PLCB1: variants seen among roughly 807,000 people sequenced by gnomAD.
PLCB1 encodes 1-phosphatidylinositol 4,5-bisphosphate phosphodiesterase beta-1.
A neutral mutation model predicts 161.8 loss-of-function variants in PLCB1; 46 were observed. The observed-to-expected ratio is 0.28, with a 90% CI of 0.22 to 0.36. The LOEUF (loss-of-function observed/expected upper bound fraction) is 0.36, where lower values mean the gene tolerates loss of function less well. Among genes scored for constraint, PLCB1 ranks in the 10% least tolerant of loss-of-function variants. The pLI, the probability that PLCB1 is intolerant of heterozygous loss-of-function variation, is 1.00. For synonymous variants in PLCB1, 517 were observed against 503.7 expected, an observed-to-expected ratio of 1.03 and a Z score of -0.35; for missense variants, 1,016 against 1,472.5, an observed-to-expected ratio of 0.69 and a Z score of 5.07.
Position 8,271,814 on chromosome 20 carries a change from A to G in PLCB1, c.178-99568A>G, listed in dbSNP as rs370959216. Among the ~76,000 whole-genome samples the G allele has an allele frequency of 1.1e-3, 170 of 152,266 alleles. 1 individual carries two copies. In the South Asian group the frequency reaches 0.011, roughly 10 times the overall value. ...GCATCCTACAATCCAATTACATAACAGGGACAAACTAAGGTAACCCTGGTG... is the reference window on the plus strand; with the variant it reads ...GCATCCTACAATCCAATTACATAACGGGGACAAACTAAGGTAACCCTGGTG... On this transcript the variant is annotated intron_variant, in intron 2 of 31. Transcript: ENST00000338037.
At chr20:8,255,955 A>G (rs780357618) in intron 2 of PLCB1, among the ~76,000 whole-genome samples, 6 of 151,988 alleles carry the variant, frequency 3.9e-5, no homozygotes, top group Non-Finnish European at 5.9e-5. Context: ...AATACTTTCC[A>G]TTGTTTTGCA....
chr20:8,703,054 A>G (rs143375398), intron 11 of PLCB1, among the ~76,000 whole-genome samples: 1,527 of 152,292 alleles, frequency 0.01, 33 homozygotes, highest in African/African-American at 0.035. Flanking sequence ...AGAAAGGTGA[A>G]CACAGAAGGT....
At chr20:8,358,894 C>T (rs1486043256) in intron 2 of PLCB1, among the ~76,000 whole-genome samples, 1 of 152,172 alleles carries the variant, frequency 6.6e-6, no homozygotes, top group Non-Finnish European at 1.5e-5. Flanking sequence ...TTGCAATAAA[C>T]TGCACTGTGC....
chr20:8,205,161 G>C (rs1398473282), intron 2 of PLCB1, among the ~76,000 whole-genome samples: 1 of 152,076 alleles, frequency 6.6e-6, no homozygotes, highest in African/African-American at 2.4e-5. Flanking sequence ...AAATATAACA[G>C]GACTCTTGAA....
At chr20:8,810,575 A>G (rs1361574256) in intron 31 of PLCB1, among the ~76,000 whole-genome samples, 1 of 152,206 alleles carries the variant, frequency 6.6e-6, no homozygotes, top group African/African-American at 2.4e-5. Flanking sequence ...TTTACAGTCA[A>G]TTTAGATTGC....
At chr20:8,143,376 C>A (rs2051423095) in intron 1 of PLCB1, among the ~76,000 whole-genome samples, 1 of 152,202 alleles carries the variant, frequency 6.6e-6, no homozygotes, top group South Asian at 2.1e-4. Flanking sequence ...TTTTTATTTG[C>A]TGCAGTACCT....
At chr20:8,226,818 G>T (rs1394865867) in intron 2 of PLCB1, among the ~76,000 whole-genome samples, 2 of 151,554 alleles carry the variant, frequency 1.3e-5, no homozygotes, top group Admixed American at 6.6e-5. Context: ...CTCCCGAGTA[G>T]CTGAGATTAC....
chr20:8,731,380 A>G (rs1320258561), intron 18 of PLCB1, among the ~76,000 whole-genome samples: 1 of 151,878 alleles, frequency 6.6e-6, no homozygotes, highest in Non-Finnish European at 1.5e-5. Flanking sequence ...ATTAATGTTA[A>G]CTATAGTCAC....
chr20:8,227,359 C>T (rs6118129), intron 2 of PLCB1, among the ~76,000 whole-genome samples: 3,027 of 152,256 alleles, frequency 0.02, 105 homozygotes, highest in African/African-American at 0.069. Context: ...TTTCCCACTG[C>T]CACTTGGTAT....
intron 31 of PLCB1, among the ~76,000 whole-genome samples, chr20:8,855,664 G>A (rs898244277): frequency 6.6e-6 from 1 of 152,192 alleles, no homozygotes; most frequent in Admixed American, 6.5e-5. Flanking sequence ...AATGATGCCA[G>A]ACAACATTTT....
chr20:8,278,356 A>G (rs1695504174), intron 2 of PLCB1, among the ~76,000 whole-genome samples: 1 of 105,464 alleles, frequency 9.5e-6, no homozygotes, highest in South Asian at 3.0e-4. Flanking sequence ...TATATTATGT[A>G]TATATATATA....
At chr20:8,861,359 A>C (rs893528160) in intron 31 of PLCB1, among the ~76,000 whole-genome samples, 2 of 152,212 alleles carry the variant, frequency 1.3e-5, no homozygotes, top group Non-Finnish European at 2.9e-5. Flanking sequence ...AGGATAAGTC[A>C]TTAGTTGGTG....
intron 3 of PLCB1, among the ~76,000 whole-genome samples, chr20:8,412,001 C>A (rs956755981): frequency 2.0e-5 from 3 of 151,018 alleles, no homozygotes; most frequent in Admixed American, 1.3e-4. Flanking sequence ...CCAACCTGGG[C>A]AACAACAGCA....
chr20:8,219,092 C>G (rs1979280853), intron 2 of PLCB1, among the ~76,000 whole-genome samples: 2 of 152,050 alleles, frequency 1.3e-5, no homozygotes, highest in Non-Finnish European at 2.9e-5. Flanking sequence ...ATTTGAATCC[C>G]AATGTAATGC....
At chr20:8,379,803 G>A (rs906666657) in intron 3 of PLCB1, among the ~76,000 whole-genome samples, 1 of 151,994 alleles carries the variant, frequency 6.6e-6, no homozygotes. Flanking sequence ...GGTGGTATTT[G>A]TTTTGTTTTG....
In PLCB1 at chr20:8,830,535, A is replaced by G. The variant is rs899151449; in HGVS notation, c.3423+40274A>G. 7.2e-5 allele frequency among the ~76,000 whole-genome samples: 11 copies of G among 152,236 alleles called. No homozygotes were observed. In the South Asian group the frequency reaches 1.0e-3, roughly 14 times the overall value. On this transcript the variant is annotated intron_variant, in intron 31 of 31. Transcript: ENST00000338037. ...TGAGAAGAAAGCATAGGTAAGGACC[A>G]CTGAATACACATTTGGTAGAAAAAG... is the stretch of plus-strand genomic sequence containing the variant.
intron 3 of PLCB1, among the ~76,000 whole-genome samples, chr20:8,395,101 T>C (rs1987727952): frequency 6.6e-6 from 1 of 152,134 alleles, no homozygotes; most frequent in South Asian, 2.1e-4. Flanking sequence ...TTTTCCTTGA[T>C]TCTTATAGTA....
intron 3 of PLCB1, among the ~76,000 whole-genome samples, chr20:8,481,142 T>C (rs917512373): frequency 1.4e-5 from 1 of 73,346 alleles, no homozygotes; most frequent in Non-Finnish European, 2.8e-5. Context: ...AAAAGAAACA[T>C]GTAAAATACA....
At chr20:8,542,602 C>T (rs1385438314) in intron 3 of PLCB1, among the ~76,000 whole-genome samples, 1 of 152,166 alleles carries the variant, frequency 6.6e-6, no homozygotes, top group Non-Finnish European at 1.5e-5. Flanking sequence ...AAAAGAACAG[C>T]ACTTAAGAAA....
Sources: allele counts gnomAD v4.1 joint callset (sites outside exome capture counted in the v4.1 genomes callset), GRCh38; gene constraint gnomAD v4.1.1; transcripts MANE v1.5; gene names NCBI Gene and HGNC (gene_info 2026-07-23, HGNC 2026-07-21).